PROCA1: variants seen among roughly 807,000 people sequenced by gnomAD.
PROCA1 encodes the protein protein PROCA1.
PROCA1 carries 22 observed loss-of-function variants against 23.2 expected under a neutral mutation model. That is an observed-to-expected ratio of 0.95 (90% CI 0.68 to 1.35). PROCA1 has a LOEUF of 1.35. Among genes scored for constraint, PROCA1 ranks in the 40% most tolerant of loss-of-function variants. PROCA1 has a pLI of 0.00. For synonymous variants in PROCA1, 182 were observed against 179.2 expected (o/e 1.02, Z -0.12); for missense variants, 469 against 459.8 (o/e 1.02, Z -0.18).
intron 3 of PROCA1, 126 bp downstream of exon 3, chr17:28,704,582 A>C (rs780157631): frequency 1.5e-5 from 24 of 1,558,500 alleles, no homozygotes; most frequent in Non-Finnish European, 2.0e-5. Context: ...CAAGGTGTGC[A>C]GAGCTGGGAC....
rs998310104 is a variant in PROCA1, at chr17:28,704,414, A to C, written c.333T>G (p.Asp111Glu). Residue 111 changes from aspartate (D) to glutamate (E), a missense_variant, in exon 4 of 5, where the codon GAT becomes GAG. Transcript: ENST00000682792. Reference sequence around the variant, plus strand: ...GGCCCGCGCCCCGGGAGCTGCTGCTATCCTCTGAAGAGTCCTTCAGCCTGC... The same window carrying C: ...GGCCCGCGCCCCGGGAGCTGCTGCTCTCCTCTGAAGAGTCCTTCAGCCTGC... ...CNSRLKDSSE[D>E]SSSSRGAGPT... 3 of 1,613,488 alleles carry C rather than the reference A, an allele frequency of 1.9e-6. No individual in the cohort carries two copies. The highest frequency in any genetic ancestry group is 2.5e-6 in the Non-Finnish European group (3 of 1,179,936).
At chr17:28,706,593 G>T in intron 2 of PROCA1, 87 bp downstream of exon 2, 4 of 959,818 alleles carry the variant, frequency 4.2e-6, no homozygotes, top group Non-Finnish European at 5.9e-6. Context: ...CTCCCTCCCT[G>T]CCTCAGGACC....
intron 1 of PROCA1, among the ~76,000 whole-genome samples, chr17:28,710,506 CAAA>C (rs71278535): frequency 2.3e-4 from 7 of 30,744 alleles, no homozygotes; most frequent in Admixed American, 2.9e-4. Context: ...GATTCCATCT[CAAA>C]AAAAAAAAAA....
In PROCA1 at chr17:28,703,738, G is replaced by A. The variant is rs768242449; in HGVS notation, c.915C>T (p.Ser305=). 9 of 1,614,036 alleles carry A rather than the reference G, an allele frequency of 5.6e-6. No individual in the cohort carries two copies. Among genetic ancestry groups the A allele is most frequent in the South Asian group, 4.4e-5 (4 of 91,070 alleles). Residue 305 remains serine (S), a synonymous_variant, in exon 5 of 5, where the codon AGC becomes AGT. Coordinates refer to ENST00000682792, the MANE Select transcript of PROCA1 (RefSeq NM_001366301.1). ...GCCCCCGGCCATTGTAACTGTCCTCGCTCTCCAGCTCTTCCCGGCTTTCTG... is the reference window on the plus strand; with the variant it reads ...GCCCCCGGCCATTGTAACTGTCCTCACTCTCCAGCTCTTCCCGGCTTTCTG... The part of the protein sequence containing the change: ...SSPESREELE[S]EDSYNGRGQG...
chr17:28,709,199 C>T (rs1005709251), intron 1 of PROCA1, among the ~76,000 whole-genome samples: 1 of 152,184 alleles, frequency 6.6e-6, no homozygotes, highest in African/African-American at 2.4e-5. Context: ...GGGGACACAC[C>T]CCTGTAAACA....
Position 28,704,783 on chromosome 17 carries a change from A to G in PROCA1, c.236T>C (p.Ile79Thr), listed in dbSNP as rs753207202. Residue 79 changes from isoleucine (I) to threonine (T), a missense_variant, in exon 3 of 5, where the codon ATC becomes ACC. Physicochemically the swap from Ile to Thr is moderately conservative, Grantham distance 89 (BLOSUM62 -1). Coordinates refer to ENST00000682792, the MANE Select transcript of PROCA1 (RefSeq NM_001366301.1). ...WRHKQCTGHIIYPFASDCVRH... is the reference protein window; with the variant it reads ...WRHKQCTGHITYPFASDCVRH... ...GACACAGTCAGAGGCGAAAGGGTAG[A>G]TGATGTGCCCAGTGCACTGCTTGTG... 94 of 1,613,738 alleles carry G rather than the reference A, an allele frequency of 5.8e-5. No homozygotes were observed. The highest frequency in any genetic ancestry group is 7.5e-5 in the Non-Finnish European group (89 of 1,179,920).
intron 1 of PROCA1, 113 bp downstream of exon 1, chr17:28,711,457 C>T (rs982585581): frequency 1.2e-5 from 11 of 886,520 alleles, no homozygotes; most frequent in Admixed American, 6.1e-5. Context: ...GGCCCCGCCT[C>T]TCTCGTTGGT....
At chr17:28,708,105 G>A (rs941914900) in intron 1 of PROCA1, among the ~76,000 whole-genome samples, 1 of 152,176 alleles carries the variant, frequency 6.6e-6, no homozygotes, top group African/African-American at 2.4e-5. Flanking sequence ...CGCCTCCCGG[G>A]TTCAAGCAAT....
intron 3 of PROCA1, 68 bp from the exon 4 acceptor site, chr17:28,704,503 G>A (rs1336090543): frequency 6.4e-7 from 1 of 1,569,834 alleles, no homozygotes; most frequent in Non-Finnish European, 8.6e-7. Flanking sequence ...AGAAGCCTGA[G>A]GGACAGTGGG....
chr17:28,709,077 A>C (rs989670669), intron 1 of PROCA1, among the ~76,000 whole-genome samples: 22 of 152,232 alleles, frequency 1.4e-4, no homozygotes, highest in Non-Finnish European at 1.8e-4. Flanking sequence ...AGAGAGGATA[A>C]GTAATTTGTC....
intron 1 of PROCA1, chr17:28,710,898 C>T: frequency 1.5e-6 from 2 of 1,302,578 alleles, no homozygotes; most frequent in South Asian, 1.2e-5. Flanking sequence ...ACAGAATCCT[C>T]CCCGTCCTGC....
At position 28,711,565 on chromosome 17, in the gene PROCA1, C is replaced by T; in HGVS notation, c.91+5G>A. 3 of 1,607,738 alleles carry T rather than the reference C, an allele frequency of 1.9e-6. No homozygotes were observed. Among genetic ancestry groups the T allele is most frequent in the Non-Finnish European group, 2.5e-6 (3 of 1,178,172 alleles). ...TCTGCCCAGCCCCTGCCCCGCCCCT[C>T]TTACCGCGGCATCTGCTCTCATCCC... On this transcript the variant is annotated splice_donor_5th_base_variant and intron_variant, in intron 1 of 4. Coordinates refer to ENST00000682792, the MANE Select transcript of PROCA1 (RefSeq NM_001366301.1).
At position 28,703,900 on chromosome 17, in the gene PROCA1, C is replaced by T. The variant is rs757751289; in HGVS notation, c.753G>A (p.Glu251=). ...TGGCTTTTTTCTTCAGCTTTGCCTT[C>T]TCATCCATCTCCTCCTTGTCTTTCT... ...EKEKDKEEMD[E]KAKLKKKAKK... Residue 251 remains glutamate (E), a synonymous_variant, in exon 5 of 5, where the codon GAG becomes GAA. Transcript: ENST00000682792. 24 of 1,613,940 alleles carry T rather than the reference C, an allele frequency of 1.5e-5. No individual in the cohort carries two copies. Among genetic ancestry groups the T allele is most frequent in the Non-Finnish European group, 2.0e-5 (24 of 1,180,036 alleles).
In PROCA1 at chr17:28,704,362, G is replaced by T. The variant is rs1330976697; in HGVS notation, c.385C>A (p.Pro129Thr). 1.9e-6 allele frequency: 3 copies of T among 1,614,028 alleles called. No individual in the cohort carries two copies. In the African/African-American group the frequency reaches 4.0e-5, roughly 22 times the overall value. Reference sequence around the variant, plus strand: ...TCCTCCGGTGTGAGCTCAAAGCAAGGGGACTCGATGACATGGGAGCAGGTT... The same window carrying T: ...TCCTCCGGTGTGAGCTCAAAGCAAGTGGACTCGATGACATGGGAGCAGGTT... ...GPTCSHVIESPCFELTPEEEH... is the reference protein window; with the variant it reads ...GPTCSHVIESTCFELTPEEEH... Residue 129 changes from proline to threonine, a missense_variant, in exon 4 of 5, where the codon CCT becomes ACT. By Grantham distance (38) the Pro-to-Thr change is conservative. Coordinates refer to ENST00000682792, the MANE Select transcript of PROCA1 (RefSeq NM_001366301.1).
chr17:28,706,879 G>A, intron 1 of PROCA1, 116 bp from the exon 2 acceptor site: 1 of 806,242 alleles, frequency 1.2e-6, no homozygotes, highest in Non-Finnish European at 1.7e-6. Flanking sequence ...TGGAGATGCA[G>A]AGATTAAACA....
Position 28,703,292 on chromosome 17 carries a change from A to G in PROCA1, c.*266T>C. Reference sequence around the variant, plus strand: ...CACAGACCAGTCTCTCGCAGCAGAGAGGGGAAGCCCTCCTTCCCACCCCAG... The same window carrying G: ...CACAGACCAGTCTCTCGCAGCAGAGGGGGGAAGCCCTCCTTCCCACCCCAG... On this transcript the variant is annotated 3_prime_UTR_variant, in exon 5 of 5. Transcript: ENST00000682792. 4.1e-6 allele frequency: 2 copies of G among 489,982 alleles called. No individual in the cohort carries two copies. Among genetic ancestry groups the G allele is most frequent in the African/African-American group, 1.9e-5 (1 of 51,784 alleles). 30.4% of individuals were successfully genotyped at this position (489,982 alleles called of 1,614,324 possible). A position where few individuals can be genotyped will look rare whatever the true frequency, so the allele number is the denominator to read the frequency against.
At chr17:28,707,825 GC>G (rs1442591242) in intron 1 of PROCA1, 1 of 152,176 alleles carries the variant, frequency 6.6e-6, no homozygotes, top group Admixed American at 6.6e-5. Context: ...TAGAAAAGAG[GC>G]CCAGTCCCTA....
intron 1 of PROCA1, 108 bp from the exon 2 acceptor site, chr17:28,706,871 G>A: frequency 1.1e-6 from 1 of 933,786 alleles, no homozygotes; most frequent in Non-Finnish European, 1.4e-6. Flanking sequence ...CTGCATCCTG[G>A]AGATGCAGAG....
chr17:28,706,379 A>C (rs1262793137), intron 2 of PROCA1: 2 of 216,642 alleles, frequency 9.2e-6, no homozygotes, highest in Non-Finnish European at 9.7e-6. Flanking sequence ...CTGAGCCTTT[A>C]ATTTCCTCAT....
Sources: allele counts gnomAD v4.1 joint callset (sites outside exome capture counted in the v4.1 genomes callset), GRCh38; gene constraint gnomAD v4.1.1; transcripts MANE v1.5; gene names NCBI Gene and HGNC (gene_info 2026-07-23, HGNC 2026-07-21).